The following SYTL4 variants were observed in gnomAD, a reference collection of about 807,000 sequenced individuals.
SYTL4 encodes synaptotagmin like 4, also known as synaptotagmin-like protein 4.
In SYTL4, 16 loss-of-function variants were observed where a neutral mutation model predicts 52.7. The ratio of observed to expected loss-of-function variants is 0.30; its 90% confidence interval spans 0.21 to 0.46. The LOEUF (loss-of-function observed/expected upper bound fraction) is 0.46. Among genes scored for constraint, SYTL4 ranks in the 20% least tolerant of loss-of-function variants. SYTL4 has a pLI of 1.00. For missense variants in SYTL4, 423 were observed against 519.9 expected (o/e 0.81, Z 1.81); for synonymous variants, 160 against 186.6 (o/e 0.86, Z 1.16).
At chrX:100,699,095 G>A (rs1015449167) in intron 8 of SYTL4, among the ~76,000 whole-genome samples, 1 of 111,476 alleles carries the variant, frequency 9.0e-6, no homozygotes, top group Non-Finnish European at 1.9e-5. Flanking sequence ...GGCCAGGCAT[G>A]GTGACTCACA....
intron 16 of SYTL4, among the ~76,000 whole-genome samples, chrX:100,682,411 A>C (rs185230493): frequency 1.8e-5 from 2 of 111,055 alleles, no homozygotes; most frequent in African/African-American, 6.6e-5. Flanking sequence ...AGGGGAAAAA[A>C]AAAAAGAGGG....
At chrX:100,701,096 C>A in intron 7 of SYTL4, 97 bp from the exon 8 acceptor site, 1 of 893,789 alleles carries the variant, frequency 1.1e-6, no homozygotes, top group East Asian at 3.1e-5. Context: ...ACCATGCTTG[C>A]AGAAGGGATG....
At chrX:100,689,774 G>T in intron 12 of SYTL4, 82 bp downstream of exon 12, 1 of 533,633 alleles carries the variant, frequency 1.9e-6, no homozygotes, top group South Asian at 3.6e-5. Context: ...TAAATAGGTT[G>T]ACTGAGAATA....
At position 100,703,141 on chromosome X, in the gene SYTL4, C is replaced by G. The variant is rs928563744; in HGVS notation, c.-119G>C. 1 of 111,283 alleles carries G rather than the reference C, an allele frequency of 9.0e-6. No individual in the cohort carries two copies. The highest frequency in any genetic ancestry group is 1.9e-5 in the Non-Finnish European group (1 of 53,021). 9.2% of individuals were successfully genotyped at this position (111,283 alleles called of 1,213,427 possible). A position where few individuals can be genotyped will look rare whatever the true frequency, so the allele number is the denominator to read the frequency against. ...GCTGAGGCAGGAGGATCTCTTGAGC[C>G]TAGGAGTTCAAGACCAGCCTGGGCA... On this transcript the variant is annotated 5_prime_UTR_variant, in exon 4 of 20. Transcript: ENST00000372989.
intron 8 of SYTL4, 138 bp from the exon 9 acceptor site, chrX:100,691,347 AAATT>A (rs2083594086): frequency 2.4e-6 from 1 of 418,116 alleles, no homozygotes; most frequent in Non-Finnish European, 4.1e-6. Flanking sequence ...AACATATAAT[AAATT>A]AATTAATTAA....
At chrX:100,704,455 G>A (rs1296037616) in intron 3 of SYTL4, among the ~76,000 whole-genome samples, 1 of 112,724 alleles carries the variant, frequency 8.9e-6, no homozygotes, top group African/African-American at 3.2e-5. Context: ...GGTTTGAGAA[G>A]TAGAATTGAC....
In SYTL4 at chrX:100,686,693, C is replaced by T; in HGVS notation, c.1273G>A (p.Asp425Asn). 2 of 1,206,330 alleles carry T rather than the reference C, an allele frequency of 1.7e-6. No homozygotes were observed. Among genetic ancestry groups the T allele is most frequent in the Non-Finnish European group, 2.2e-6 (2 of 890,756 alleles). The change falls in exon 15 of 20, where the codon GAT (aspartate) becomes AAT (asparagine). Residue 425 changes from aspartate (D) to asparagine (N), a missense_variant. By Grantham distance (23) the Asp-to-Asn change is conservative. Coordinates refer to ENST00000372989, the MANE Select transcript of SYTL4 (RefSeq NM_001370165.1). ...TAGATACTTACCCTCAGCGTCTCATCATATAGTGGATTAATAGTGTCCCGC... is the reference window on the plus strand; with the variant it reads ...TAGATACTTACCCTCAGCGTCTCATTATATAGTGGATTAATAGTGTCCCGC... ...IKRDTINPLYDETLRYEIPES... is the reference protein window; with the variant it reads ...IKRDTINPLYNETLRYEIPES...
chrX:100,708,715 A>G (rs1036003520), intron 2 of SYTL4, among the ~76,000 whole-genome samples: 1 of 112,520 alleles, frequency 8.9e-6, no homozygotes. Context: ...ATTTTTAGCT[A>G]TATGACCTTG....
At chrX:100,720,416 T>G (rs1316729176) in intron 2 of SYTL4, among the ~76,000 whole-genome samples, 6 of 112,712 alleles carry the variant, frequency 5.3e-5, no homozygotes, top group Admixed American at 2.8e-4. Flanking sequence ...TATTTTTCAA[T>G]AAGCCTCATC....
At chrX:100,684,290 A>AT (rs56194351) in intron 16 of SYTL4, among the ~76,000 whole-genome samples, 7 of 109,482 alleles carry the variant, frequency 6.4e-5, no homozygotes, top group Admixed American at 3.9e-4. Context: ...TGTTGTCACT[A>AT]TTTTTTTTTG....
intron 19 of SYTL4, among the ~76,000 whole-genome samples, chrX:100,677,556 G>A (rs2083300046): frequency 8.9e-6 from 1 of 112,107 alleles, no homozygotes; most frequent in East Asian, 2.8e-4. Context: ...GGGCAAAGAA[G>A]AGGATCCGAG....
intron 2 of SYTL4, among the ~76,000 whole-genome samples, chrX:100,707,231 A>T (rs1224788334): frequency 8.9e-6 from 1 of 112,281 alleles, no homozygotes; most frequent in Non-Finnish European, 1.9e-5. Context: ...TAATTTTTTT[A>T]AAAAATCCTT....
chrX:100,714,348 C>T (rs1328361463), intron 2 of SYTL4, among the ~76,000 whole-genome samples: 1 of 108,957 alleles, frequency 9.2e-6, no homozygotes, highest in Non-Finnish European at 1.9e-5. Flanking sequence ...CAAGCTCCGC[C>T]TCCTGGGTTC....
At chrX:100,728,404 A>G (rs939839002) in intron 2 of SYTL4, among the ~76,000 whole-genome samples, 7 of 112,045 alleles carry the variant, frequency 6.2e-5, no homozygotes, top group African/African-American at 2.3e-4. Context: ...ATCCTGGTAG[A>G]AAACTAGTTA....
rs8780 is a variant in SYTL4, at chrX:100,674,535, G to C, written c.*1493C>G. On this transcript the variant is annotated 3_prime_UTR_variant, in exon 20 of 20. Transcript: ENST00000372989. ...TTATTAAAGCACACATACATGTCAGGGGGGTGGGAAACAAAAGAGCAAGTT... is the reference window on the plus strand; with the variant it reads ...TTATTAAAGCACACATACATGTCAGCGGGGTGGGAAACAAAAGAGCAAGTT... The C allele has an allele frequency of 0.28, 30,873 of 111,379 alleles. 3,527 individuals are homozygous for C. The highest frequency in any genetic ancestry group is 0.53 in the East Asian group (1,829 of 3,471). 9.2% of individuals were successfully genotyped at this position (111,379 alleles called of 1,213,427 possible).
chrX:100,724,147 G>C (rs757466034), intron 2 of SYTL4, among the ~76,000 whole-genome samples: 17 of 93,847 alleles, frequency 1.8e-4, no homozygotes, highest in South Asian at 1.6e-3. Flanking sequence ...GGAGGTGGGG[G>C]GGGTCAGCCC....
At chrX:100,703,974 G>A (rs953026968) in intron 3 of SYTL4, among the ~76,000 whole-genome samples, 5 of 112,394 alleles carry the variant, frequency 4.4e-5, no homozygotes, top group Non-Finnish European at 9.4e-5. Context: ...ACTTCACATA[G>A]TTCTAATTTG....
chrX:100,695,874 G>A (rs776595271), intron 8 of SYTL4, among the ~76,000 whole-genome samples: 6 of 111,785 alleles, frequency 5.4e-5, no homozygotes, highest in African/African-American at 1.9e-4. Context: ...TCCTGTAAGT[G>A]TTGATCTGCT....
At chrX:100,701,362 T>C (rs747342572) in intron 6 of SYTL4, 33 bp from the exon 7 acceptor site, 3 of 1,174,735 alleles carry the variant, frequency 2.6e-6, no homozygotes, top group East Asian at 5.9e-5. Flanking sequence ...GACAGATGGA[T>C]AAAGAATGGT....
Sources: gnomAD v4.1 joint callset for allele counts (sites outside exome capture counted in the v4.1 genomes callset) on GRCh38, gnomAD v4.1.1 for gene constraint, MANE v1.5 for transcripts, NCBI Gene and HGNC (gene_info 2026-07-23, HGNC 2026-07-21) for gene names.